CD101: variants seen among roughly 807,000 people sequenced by gnomAD.
CD101 encodes the protein CD101 molecule, also known as immunoglobulin superfamily member 2.
CD101 carries 76 observed loss-of-function variants against 98.2 expected under a neutral mutation model. That is an observed-to-expected ratio of 0.77 (90% confidence interval 0.64 to 0.94). CD101 has a LOEUF of 0.94. Ranked by LOEUF, CD101 falls within the 40% of genes least tolerant of loss-of-function variation. The pLI is 0.00. For synonymous variants in CD101, 471 were observed against 472.7 expected (o/e 1.00, Z 0.05); for missense variants, 1,145 against 1,218.8 (o/e 0.94, Z 0.90).
Position 117,009,991 on chromosome 1 carries a change from T to C in CD101, c.185T>C (p.Leu62Pro). 1 of 1,614,202 alleles carries C rather than the reference T, an allele frequency of 6.2e-7. No individual in the cohort carries two copies. Among genetic ancestry groups the C allele is most frequent in the South Asian group, 1.1e-5 (1 of 91,084 alleles). Residue 62 changes from leucine to proline, a missense_variant, in exon 2 of 10, where the codon CTG (leucine) becomes CCG (proline). Coordinates refer to ENST00000682167, the MANE Select transcript of CD101 (RefSeq NM_001256106.3). Reference sequence around the variant, plus strand: ...CAGCATTTCCAGTGGTCTGTTTACCTGCCGACAAACCCGACCCAGGAAGTC... The same window carrying C: ...CAGCATTTCCAGTGGTCTGTTTACCCGCCGACAAACCCGACCCAGGAAGTC... ...SEQHFQWSVY[L>P]PTNPTQEVQI... is the part of the protein sequence containing the mutation.
chr1:117,010,108 G>A lies in CD101; in HGVS notation c.302G>A (p.Gly101Asp), dbSNP rs144242870. The change falls in exon 2 of 10, where the codon GGC becomes GAC. Residue 101 changes from glycine (G) to aspartate (D), a missense_variant. Coordinates refer to ENST00000682167, the MANE Select transcript of CD101 (RefSeq NM_001256106.3). This position sits in a 1 kb window ranked among gnomAD's most constrained non-coding sequence, Gnocchi z 5.2. ...GACGTCTACGTGGAGAGGGTCCAGGGCAACTCAGTCTTGTTGCACATCTCA... is the reference window on the plus strand; with the variant it reads ...GACGTCTACGTGGAGAGGGTCCAGGACAACTCAGTCTTGTTGCACATCTCA... ...SGDVYVERVQ[G>D]NSVLLHISKL... is the part of the protein sequence containing the mutation. 179 of 1,614,058 alleles carry A rather than the reference G, an allele frequency of 1.1e-4. No homozygotes were observed. The highest frequency in any genetic ancestry group is 1.4e-4 in the Non-Finnish European group (165 of 1,180,044).
chr1:117,017,414 G>C lies in CD101; in HGVS notation c.1553G>C (p.Arg518Pro), dbSNP rs17235766. Residue 518 changes from arginine to proline, a missense_variant, in exon 5 of 10, where the codon CGG (arginine) becomes CCG (proline). Coordinates refer to ENST00000682167, the MANE Select transcript of CD101 (RefSeq NM_001256106.3). Reference protein sequence around the residue: ...TYECRVSEKSRNQARDLSWTQ... With the variant: ...TYECRVSEKSPNQARDLSWTQ... ...GAGTGCAGAGTATCTGAGAAGTCTC[G>C]GAACCAGGCCAGAGATCTGAGCTGG... 1 of 1,614,184 alleles carries C rather than the reference G, an allele frequency of 6.2e-7. No individual in the cohort carries two copies. The highest frequency in any genetic ancestry group is 1.3e-5 in the African/African-American group (1 of 75,046).
intron 5 of CD101, 92 bp downstream of exon 5, chr1:117,017,565 GTGATGGTATGTGTA>G (rs1653315641): frequency 7.9e-7 from 1 of 1,267,204 alleles, no homozygotes; most frequent in African/African-American, 1.5e-5. Context: ...GAATCCCCCA[GTGATGGTATGTGTA>G]CCCTAGGACA....
At position 117,027,162 on chromosome 1, in the gene CD101, A is replaced by G. The variant is rs74718666; in HGVS notation, c.2824+1258A>G. ...ACATTGTCAGTGCTCAGCAAATGTA[A>G]TCTCCTTTTCCCCTTATGCCTCCAA... On this transcript the variant is annotated intron_variant, in intron 8 of 9. Coordinates refer to ENST00000682167, the MANE Select transcript of CD101 (RefSeq NM_001256106.3). Among the ~76,000 whole-genome samples the G allele has an allele frequency of 5.0e-4, 76 of 152,358 alleles. 1 individual carries two copies. In the East Asian group the frequency reaches 0.015, roughly 29 times the overall value.
intron 4 of CD101, among the ~76,000 whole-genome samples, chr1:117,014,463 G>A (rs1653087617): frequency 6.6e-6 from 1 of 152,136 alleles, no homozygotes; most frequent in Non-Finnish European, 1.5e-5. Context: ...GCTGTGATGT[G>A]GTGAGACGCC....
At position 117,021,686 on chromosome 1, in the gene CD101, A is replaced by T; in HGVS notation, c.2131A>T (p.Ile711Phe). The change falls in exon 7 of 10, where the codon ATT becomes TTT. Residue 711 changes from isoleucine (I) to phenylalanine (F), a missense_variant. Physicochemically the swap from Ile to Phe is conservative, Grantham distance 21 (BLOSUM62 0). Transcript: ENST00000682167. The surrounding 1 kb of genome is among the most constrained non-coding windows in gnomAD (Gnocchi z 4.7). Reference sequence around the variant, plus strand: ...GTCCAATGGAAACCTTCAGTTAGCCATTATTTGGTATTTTTCTCCTGTTTC... The same window carrying T: ...GTCCAATGGAAACCTTCAGTTAGCCTTTATTTGGTATTTTTCTCCTGTTTC... The part of the protein sequence containing the change: ...SRSNGNLQLA[I>F]IWYFSPVSTN... 1 of 1,614,172 alleles carries T rather than the reference A, an allele frequency of 6.2e-7. No homozygotes were observed.
rs1361907897 is a variant in CD101 at position 117,021,856 on chromosome 1, T to C, written c.2301T>C (p.Asn767=). 1 of 1,614,062 alleles carries C rather than the reference T, an allele frequency of 6.2e-7. No individual in the cohort carries two copies. The highest frequency in any genetic ancestry group is 8.5e-7 in the Non-Finnish European group (1 of 1,180,046). The change falls in exon 7 of 10, where the codon AAT becomes AAC. Residue 767 remains asparagine (N), a synonymous_variant. Coordinates refer to ENST00000682167, the MANE Select transcript of CD101 (RefSeq NM_001256106.3). The surrounding 1 kb of genome is among the most constrained non-coding windows in gnomAD (Gnocchi z 4.7). ...ACTTATTTCAGCTGCACATTCTGAA[T>C]GTGGAAGACAGCGATCGGGGCAAAT... is the stretch of plus-strand genomic sequence containing the variant. ...SQDLFQLHIL[N]VEDSDRGKYH...
chr1:117,025,359 T>C (rs1487938260), intron 7 of CD101, 150 bp from the exon 8 acceptor site: 3 of 636,256 alleles, frequency 4.7e-6, no homozygotes, highest in Non-Finnish European at 7.3e-6. Flanking sequence ...CAAGACTCTG[T>C]CTCAAAAAAT....
At chr1:117,003,598 A>G (rs1652371385) in intron 1 of CD101, among the ~76,000 whole-genome samples, 1 of 152,174 alleles carries the variant, frequency 6.6e-6, no homozygotes, top group African/African-American at 2.4e-5. Context: ...ATATAGGAGG[A>G]AACTGGGTTT....
At chr1:117,027,629 A>G (rs1654024890) in intron 8 of CD101, among the ~76,000 whole-genome samples, 1 of 152,210 alleles carries the variant, frequency 6.6e-6, no homozygotes, top group South Asian at 2.1e-4. Context: ...AAGAGATGAG[A>G]CCAGTGAGGA....
rs1652789380 is a variant in CD101, at chr1:117,010,022, C to T, written c.216C>T (p.Ile72=). The T allele has an allele frequency of 2.5e-6, 4 of 1,614,244 alleles. No individual in the cohort carries two copies. Among genetic ancestry groups the T allele is most frequent in the Non-Finnish European group, 3.4e-6 (4 of 1,180,036 alleles). ...CAAACCCGACCCAGGAAGTCCAGATCATTAGCACCAAGGATGCTGCCTTCT... is the reference window on the plus strand; with the variant it reads ...CAAACCCGACCCAGGAAGTCCAGATTATTAGCACCAAGGATGCTGCCTTCT... ...LPTNPTQEVQ[I]ISTKDAAFSY... Residue 72 remains isoleucine, a synonymous_variant, in exon 2 of 10, where the codon ATC becomes ATT. Coordinates refer to ENST00000682167, the MANE Select transcript of CD101 (RefSeq NM_001256106.3). The surrounding 1 kb of genome is among the most constrained non-coding windows in gnomAD (Gnocchi z 5.2).
In CD101 at chr1:117,034,312, C is replaced by A. The variant is rs1654665064; in HGVS notation, c.*33+178C>A. The A allele has an allele frequency of 1.7e-5, 10 of 591,958 alleles. No homozygotes were observed. The South Asian group carries it at 2.0e-4, about 12-fold the overall frequency. The allele number at this position is 591,958 out of a possible 1,614,324, so 36.7% of individuals were successfully genotyped here. On this transcript the variant is annotated intron_variant, in intron 9 of 9. Transcript: ENST00000682167. ...TCTTACCTCATCCACCTCTCGCATC[C>A]CCCCTTGGAACAAGATAGCATCATT...
intron 8 of CD101, chr1:117,026,228 T>C: frequency 4.2e-6 from 1 of 235,424 alleles, no homozygotes; most frequent in Non-Finnish European, 8.3e-6. Flanking sequence ...ATTGGAGAAG[T>C]AGGGGTGTGG....
intron 8 of CD101, among the ~76,000 whole-genome samples, chr1:117,027,063 C>T (rs1049076781): frequency 6.6e-6 from 1 of 152,202 alleles, no homozygotes; most frequent in Non-Finnish European, 1.5e-5. Context: ...TGGTTACTTG[C>T]TGTGAGCCTC....
rs1232067077 is a variant in CD101 at position 117,010,953 on chromosome 1, G to A, written c.425-597G>A. 5.9e-5 allele frequency among the ~76,000 whole-genome samples: 9 copies of A among 152,094 alleles called. No homozygotes were observed. Among genetic ancestry groups the A allele is most frequent in the Admixed American group, 1.3e-4 (2 of 15,266 alleles). ...ACTCAGTGGCTAGCACCGAGTAGAC[G>A]CTCAGTCACATTCATTGATTAAATC... On this transcript the variant is annotated intron_variant, in intron 2 of 9. Coordinates refer to ENST00000682167, the MANE Select transcript of CD101 (RefSeq NM_001256106.3). This position sits in a 1 kb window ranked among gnomAD's most constrained non-coding sequence, Gnocchi z 5.2.
Position 117,003,157 on chromosome 1 carries a change from A to C in CD101, c.43+1297A>C, listed in dbSNP as rs985274378. ...ATTCCATCTAAAAAAACAAACAAACAAACAAAACTCTTGCTTTAGAGAGAC... is the reference window on the plus strand; with the variant it reads ...ATTCCATCTAAAAAAACAAACAAACCAACAAAACTCTTGCTTTAGAGAGAC... On this transcript the variant is annotated intron_variant, in intron 1 of 9. Coordinates refer to ENST00000682167, the MANE Select transcript of CD101 (RefSeq NM_001256106.3). Among the ~76,000 whole-genome samples, 7 of 152,234 alleles carry C rather than the reference A, an allele frequency of 4.6e-5. No homozygotes were observed. The South Asian group carries it at 1.0e-3, about 23-fold the overall frequency.
At chr1:117,026,011 A>G in intron 8 of CD101, 107 bp downstream of exon 8, 1 of 1,224,712 alleles carries the variant, frequency 8.2e-7, no homozygotes, top group Non-Finnish European at 1.1e-6. Flanking sequence ...GACAATTTTC[A>G]GACTGAAGAC....
In CD101 at chr1:117,025,838, C is replaced by G. The variant is rs781030120; in HGVS notation, c.2758C>G (p.Pro920Ala). 63 of 1,613,862 alleles carry G rather than the reference C, an allele frequency of 3.9e-5. No homozygotes were observed. The East Asian group carries it at 5.8e-4, about 15-fold the overall frequency. Residue 920 changes from proline to alanine, a missense_variant, in exon 8 of 10, where the codon CCA becomes GCA. Pro to Ala is a conservative substitution (Grantham distance 27). Coordinates refer to ENST00000682167, the MANE Select transcript of CD101 (RefSeq NM_001256106.3). ...GGCAGAGTGGCAGCTCCATGGACACCCAAGCAAGTGGATTAATCAAGCATC... is the reference window on the plus strand; with the variant it reads ...GGCAGAGTGGCAGCTCCATGGACACGCAAGCAAGTGGATTAATCAAGCATC... ...RVAEWQLHGH[P>A]SKWINQASDE...
At position 117,012,891 on chromosome 1, in the gene CD101, C is replaced by G. The variant is rs1260781727; in HGVS notation, c.842-515C>G. Among the ~76,000 whole-genome samples, 1 of 152,042 alleles carries G rather than the reference C, an allele frequency of 6.6e-6. No homozygotes were observed. Among genetic ancestry groups the G allele is most frequent in the African/African-American group, 2.4e-5 (1 of 41,404 alleles). On this transcript the variant is annotated intron_variant, in intron 3 of 9. Coordinates refer to ENST00000682167, the MANE Select transcript of CD101 (RefSeq NM_001256106.3). This position sits in a 1 kb window ranked among gnomAD's most constrained non-coding sequence, Gnocchi z 4.0. ...ATTAAAGTTTTTTCTTTATTAAAAA[C>G]AGTATTATTGTGTTCCACTAAAAAT...
Sources: gnomAD v4.1 joint callset for allele counts (sites outside exome capture counted in the v4.1 genomes callset) on GRCh38, gnomAD v4.1.1 for gene constraint, Gnocchi (gnomAD v3.1) non-coding constraint, MANE v1.5 for transcripts, NCBI Gene and HGNC (gene_info 2026-07-23, HGNC 2026-07-21) for gene names.